Variants in SAP25 observed in about 807,000 individuals in gnomAD.
The protein encoded by SAP25 is Sin3A associated protein 25.
Under a neutral mutation model 31.5 loss-of-function variants are expected in SAP25, and 24 were observed. The observed-to-expected ratio is 0.76, with a 90% confidence interval of 0.55 to 1.07. The LOEUF (loss-of-function observed/expected upper bound fraction) is 1.07. SAP25 is among the 50% of genes least tolerant of loss of function. The probability of loss-of-function intolerance (pLI) is 0.00; values close to 1 mark genes in which losing one functional copy is unlikely to be tolerated. For missense variants in SAP25, 377 were observed against 418.8 expected, an observed-to-expected ratio of 0.90 and a Z score of 0.87; for synonymous variants, 180 against 186.0, an observed-to-expected ratio of 0.97 and a Z score of 0.26.
chr7:100,573,252 G>C, intron 2 of SAP25, 40 bp from the exon 3 acceptor site: 1 of 1,444,702 alleles, frequency 6.9e-7, no homozygotes, highest in Non-Finnish European at 9.2e-7. Context: ...CTCACAGTCA[G>C]TGAGAGGCTC....
In SAP25 at chr7:100,572,831, T is replaced by A. The variant is rs1398435744; in HGVS notation, c.511+29A>T. On this transcript the variant is annotated intron_variant, in intron 4 of 5. Coordinates refer to ENST00000622764, the MANE Select transcript of SAP25 (RefSeq NM_001348680.2). This position sits in a 1 kb window ranked among gnomAD's most constrained non-coding sequence, Gnocchi z 4.1. ...GGTTCCCAGAGGAGTTGGGGCAGCC[T>A]TGCGCCCCCGGGGGACCAAGGGAGG... 3.4e-6 allele frequency: 5 copies of A among 1,484,284 alleles called. No homozygotes were observed. The Admixed American group carries it at 9.9e-5, about 29-fold the overall frequency. 91.9% of individuals were successfully genotyped at this position (1,484,284 alleles called of 1,614,324 possible).
Position 100,572,259 on chromosome 7 carries a change from A to G in SAP25, c.*28T>C. The stretch of plus-strand genomic sequence containing the variant: ...AAACCAACACTGTTTTATTGTCAAC[A>G]CAACCAGCCCACTCTGCCCTGAGAA... On this transcript the variant is annotated 3_prime_UTR_variant, in exon 6 of 6. Transcript: ENST00000622764. This position sits in a 1 kb window ranked among gnomAD's most constrained non-coding sequence, Gnocchi z 4.1. 1 of 1,264,386 alleles carries G rather than the reference A, an allele frequency of 7.9e-7. No homozygotes were observed. The highest frequency in any genetic ancestry group is 3.3e-5 in the South Asian group (1 of 30,316). 78.3% of individuals were successfully genotyped at this position (1,264,386 alleles called of 1,614,324 possible).
chr7:100,573,642 G>T lies in SAP25; in HGVS notation c.101C>A (p.Ala34Asp), dbSNP rs572930057. Residue 34 changes from alanine (A) to aspartate (D), a missense_variant, in exon 1 of 6, where the codon GCC becomes GAC. Physicochemically the swap from Ala to Asp is moderately radical, Grantham distance 126. Coordinates refer to ENST00000622764, the MANE Select transcript of SAP25 (RefSeq NM_001348680.2). ...CAGCTCCCTGGGGGCGTCCGCTCCGGCGCTCCAGGGCTCGCCCTGGTCCTT... is the reference window on the plus strand; with the variant it reads ...CAGCTCCCTGGGGGCGTCCGCTCCGTCGCTCCAGGGCTCGCCCTGGTCCTT... ...AGKDQGEPWS[A>D]GADAPRELGT... 8 of 1,231,260 alleles carry T rather than the reference G, an allele frequency of 6.5e-6. No individual in the cohort carries two copies. The Admixed American group carries it at 3.4e-4, about 52-fold the overall frequency. 76.3% of individuals were successfully genotyped at this position (1,231,260 alleles called of 1,614,324 possible).
In SAP25 at chr7:100,572,800, G is replaced by A; in HGVS notation, c.512-49C>T. On this transcript the variant is annotated intron_variant, in intron 4 of 5. Coordinates refer to ENST00000622764, the MANE Select transcript of SAP25 (RefSeq NM_001348680.2). The surrounding 1 kb of genome is among the most constrained non-coding windows in gnomAD (Gnocchi z 4.1). ...GGCGGGCTGCGGGCTCCCACCCCTG[G>A]GCACTGGTTCCCAGAGGAGTTGGGG... The A allele has an allele frequency of 6.6e-7, 1 of 1,509,162 alleles. No individual in the cohort carries two copies. The highest frequency in any genetic ancestry group is 8.8e-7 in the Non-Finnish European group (1 of 1,135,378). 93.5% of individuals were successfully genotyped at this position (1,509,162 alleles called of 1,614,324 possible).
At position 100,572,947 on chromosome 7, in the gene SAP25, G is replaced by A. The variant is rs1441133074; in HGVS notation, c.424C>T (p.Leu142=). 29 of 1,508,752 alleles carry A rather than the reference G, an allele frequency of 1.9e-5. No homozygotes were observed. The highest frequency in any genetic ancestry group is 2.5e-5 in the Non-Finnish European group (28 of 1,132,112). The allele number at this position is 1,508,752 out of a possible 1,614,324, so 93.5% of individuals were successfully genotyped here. A position where few individuals can be genotyped will look rare whatever the true frequency, so the allele number is the denominator to read the frequency against. ...CCCCTGCCCGAGGCTGCTTCATACA[G>A]CGGCCAGAATGAGGGGTGACACAGC... ...RTLCHPSFWP[L]YEAASGRGLR... The change falls in exon 4 of 6, where the codon CTG becomes TTG. Residue 142 remains leucine, a synonymous_variant. Coordinates refer to ENST00000622764, the MANE Select transcript of SAP25 (RefSeq NM_001348680.2). This position sits in a 1 kb window ranked among gnomAD's most constrained non-coding sequence, Gnocchi z 4.1.
intron 3 of SAP25, 28 bp downstream of exon 3, chr7:100,573,078 C>T (rs1313988319): frequency 6.5e-7 from 1 of 1,527,524 alleles, no homozygotes; most frequent in African/African-American, 1.4e-5. Context: ...GCACCCCAGC[C>T]AGTCCCACAG....
chr7:100,572,596 T>G lies in SAP25; in HGVS notation c.610-25A>C. On this transcript the variant is annotated intron_variant, in intron 5 of 5. Coordinates refer to ENST00000622764, the MANE Select transcript of SAP25 (RefSeq NM_001348680.2). This position sits in a 1 kb window ranked among gnomAD's most constrained non-coding sequence, Gnocchi z 4.1. The stretch of plus-strand genomic sequence containing the variant: ...TCTGAGGAGAGAGAATGGAATGTGT[T>G]TCCTGCCAGGCAAGCCTGGAGGCTG... The G allele has an allele frequency of 6.7e-7, 1 of 1,488,620 alleles. No homozygotes were observed. The highest frequency in any genetic ancestry group is 8.9e-7 in the Non-Finnish European group (1 of 1,126,306). The allele number at this position is 1,488,620 out of a possible 1,614,324, so 92.2% of individuals were successfully genotyped here. A position where few individuals can be genotyped will look rare whatever the true frequency, so the allele number is the denominator to read the frequency against.
At position 100,572,955 on chromosome 7, in the gene SAP25, A is replaced by G; in HGVS notation, c.416T>C (p.Phe139Ser). ...FSGRTLCHPS[F>S]WPLYEAASGR... ...CGAGGCTGCTTCATACAGCGGCCAG[A>G]ATGAGGGGTGACACAGCGTCCGGCC... Residue 139 changes from phenylalanine to serine, a missense_variant, in exon 4 of 6, where the codon TTC becomes TCC. Coordinates refer to ENST00000622764, the MANE Select transcript of SAP25 (RefSeq NM_001348680.2). The surrounding 1 kb of genome is among the most constrained non-coding windows in gnomAD (Gnocchi z 4.1). 6.6e-7 allele frequency: 1 copy of G among 1,509,498 alleles called. No individual in the cohort carries two copies. Among genetic ancestry groups the G allele is most frequent in the Non-Finnish European group, 8.8e-7 (1 of 1,132,442 alleles). 93.5% of individuals were successfully genotyped at this position (1,509,498 alleles called of 1,614,324 possible).
chr7:100,573,705 G>C lies in SAP25; in HGVS notation c.38C>G (p.Pro13Arg), dbSNP rs909594405. Reference protein sequence around the residue: ...PWSPPRWGAGPEEAPEGPGLP... With the variant: ...PWSPPRWGAGREEAPEGPGLP... ...GCCTGGTCCCTCGGGCGCCTCCTCC[G>C]GGCCCGCGCCCCACCGCGGCGGCGA... The change falls in exon 1 of 6, where the codon CCG becomes CGG. Residue 13 changes from proline (P) to arginine (R), a missense_variant. Transcript: ENST00000622764. 282 of 1,228,222 alleles carry C rather than the reference G, an allele frequency of 2.3e-4. No homozygotes were observed. In the African/African-American group the frequency reaches 4.0e-3, roughly 17 times the overall value. 76.1% of individuals were successfully genotyped at this position (1,228,222 alleles called of 1,614,324 possible). A position where few individuals can be genotyped will look rare whatever the true frequency, so the allele number is the denominator to read the frequency against.
At position 100,572,378 on chromosome 7, in the gene SAP25, G is replaced by A. The variant is rs1801157689; in HGVS notation, c.803C>T (p.Thr268Ile). The A allele has an allele frequency of 1.3e-5, 18 of 1,403,022 alleles. No individual in the cohort carries two copies. The highest frequency in any genetic ancestry group is 1.7e-5 in the Non-Finnish European group (18 of 1,081,880). 86.9% of individuals were successfully genotyped at this position (1,403,022 alleles called of 1,614,324 possible). A position where few individuals can be genotyped will look rare whatever the true frequency, so the allele number is the denominator to read the frequency against. ...SSSAVGPPDH[T>I]SDPPSPCGSP... ...ACCACAGGGGCTGGGTGGGTCAGAG[G>A]TATGGTCTGGGGGGCCAACCGCGGA... Residue 268 changes from threonine to isoleucine, a missense_variant, in exon 6 of 6, where the codon ACC becomes ATC. Coordinates refer to ENST00000622764, the MANE Select transcript of SAP25 (RefSeq NM_001348680.2). This position sits in a 1 kb window ranked among gnomAD's most constrained non-coding sequence, Gnocchi z 4.1.
chr7:100,573,066 G>A (rs1277430155), intron 3 of SAP25, 40 bp downstream of exon 3: 48 of 1,518,824 alleles, frequency 3.2e-5, no homozygotes, highest in Non-Finnish European at 4.0e-5. Context: ...ACAGCTCCCT[G>A]AGCACCCCAG....
intron 2 of SAP25, 23 bp from the exon 3 acceptor site, chr7:100,573,235 T>C: frequency 6.8e-7 from 1 of 1,462,570 alleles, no homozygotes; most frequent in Non-Finnish European, 9.1e-7. Flanking sequence ...TTGGGGATTA[T>C]AACAGGCTCA....
intron 3 of SAP25, 42 bp downstream of exon 3, chr7:100,573,064 C>T (rs530868920): frequency 1.3e-6 from 2 of 1,518,282 alleles, no homozygotes; most frequent in African/African-American, 1.4e-5. Flanking sequence ...GCACAGCTCC[C>T]TGAGCACCCC....
chr7:100,572,399 G>A lies in SAP25; in HGVS notation c.782C>T (p.Ala261Val), dbSNP rs115792910. 3,750 of 1,406,440 alleles carry A rather than the reference G, an allele frequency of 2.7e-3. 91 individuals are homozygous for A. The African/African-American group carries it at 0.049, about 18-fold the overall frequency. The allele number at this position is 1,406,440 out of a possible 1,614,324, so 87.1% of individuals were successfully genotyped here. ...AGAGGTATGGTCTGGGGGGCCAACC[G>A]CGGAGGAGCTGGGCCTAGGCTCCCC... Reference protein sequence around the residue: ...SQGEPRPSSSAVGPPDHTSDP... With the variant: ...SQGEPRPSSSVVGPPDHTSDP... Residue 261 changes from alanine (A) to valine (V), a missense_variant, in exon 6 of 6, where the codon GCG (alanine) becomes GTG (valine). By Grantham distance (64) the Ala-to-Val change is moderately conservative (BLOSUM62 0). Coordinates refer to ENST00000622764, the MANE Select transcript of SAP25 (RefSeq NM_001348680.2). This position sits in a 1 kb window ranked among gnomAD's most constrained non-coding sequence, Gnocchi z 4.1.
At chr7:100,573,069 C>A in intron 3 of SAP25, 37 bp downstream of exon 3, 1 of 1,519,442 alleles carries the variant, frequency 6.6e-7, no homozygotes, top group Non-Finnish European at 8.8e-7. Context: ...GCTCCCTGAG[C>A]ACCCCAGCCA....
rs573938422 is a variant in SAP25, at chr7:100,573,019, G to A, written c.358-6C>T. On this transcript the variant is annotated splice_polypyrimidine_tract_variant and splice_region_variant and intron_variant, in intron 3 of 5. Coordinates refer to ENST00000622764, the MANE Select transcript of SAP25 (RefSeq NM_001348680.2). ...CCTGAGCTACAGTTGGCCCCCTAGG[G>A]TGAGGAGGACAGAGCACTGGAGCCT... is the stretch of plus-strand genomic sequence containing the variant. 24 of 1,488,916 alleles carry A rather than the reference G, an allele frequency of 1.6e-5. No homozygotes were observed. In the African/African-American group the frequency reaches 2.2e-4, roughly 14 times the overall value. The allele number at this position is 1,488,916 out of a possible 1,614,324, so 92.2% of individuals were successfully genotyped here.
At position 100,573,578 on chromosome 7, in the gene SAP25, CTCCG is replaced by C; in HGVS notation, c.146+15_146+18del. On this transcript the variant is annotated intron_variant, in intron 1 of 5. Coordinates refer to ENST00000622764, the MANE Select transcript of SAP25 (RefSeq NM_001348680.2). ...GCCCCCAGTCGCTGTCCCCCCACGG[CTCCG>C]TCCGAGCCCCTCACCTGTCCCATGG... 2 of 1,234,646 alleles carry C rather than the reference CTCCG, an allele frequency of 1.6e-6. No individual in the cohort carries two copies. Among genetic ancestry groups the C allele is most frequent in the Non-Finnish European group, 2.0e-6 (2 of 989,602 alleles). 76.5% of individuals were successfully genotyped at this position (1,234,646 alleles called of 1,614,324 possible).
rs1292082487 is a variant in SAP25, at chr7:100,573,326, G to A, written c.221C>T (p.Pro74Leu). The A allele has an allele frequency of 2.9e-6, 4 of 1,386,020 alleles. No homozygotes were observed. The highest frequency in any genetic ancestry group is 2.6e-5 in the East Asian group (1 of 37,892). The allele number at this position is 1,386,020 out of a possible 1,614,324, so 85.9% of individuals were successfully genotyped here. ...GGCTCCGGGGGGCTGCTCAGTGGCCGGGCCTGGCAGGTGGTGGGGCAGCAG... is the reference window on the plus strand; with the variant it reads ...GGCTCCGGGGGGCTGCTCAGTGGCCAGGCCTGGCAGGTGGTGGGGCAGCAG... ...QLLLPHHLPG[P>L]ATEQPPGAPD... is the part of the protein sequence containing the mutation. Residue 74 changes from proline (P) to leucine (L), a missense_variant, in exon 2 of 6, where the codon CCG becomes CTG. By Grantham distance (98) the Pro-to-Leu change is moderately conservative. Coordinates refer to ENST00000622764, the MANE Select transcript of SAP25 (RefSeq NM_001348680.2).
At position 100,573,735 on chromosome 7, in the gene SAP25, G is replaced by A; in HGVS notation, c.8C>T (p.Pro3Leu). 8.2e-7 allele frequency: 1 copy of A among 1,220,492 alleles called. No individual in the cohort carries two copies. The highest frequency in any genetic ancestry group is 1.0e-6 in the Non-Finnish European group (1 of 980,768). The allele number at this position is 1,220,492 out of a possible 1,614,324, so 75.6% of individuals were successfully genotyped here. A position where few individuals can be genotyped will look rare whatever the true frequency, so the allele number is the denominator to read the frequency against. The change falls in exon 1 of 6, where the codon CCC (proline) becomes CTC (leucine). Residue 3 changes from proline (P) to leucine (L), a missense_variant. Transcript: ENST00000622764. Reference protein sequence around the residue: MLPWSPPRWGAGP... With the variant: MLLWSPPRWGAGP... ...CGCGCCCCACCGCGGCGGCGACCAGGGCAACATTCCGCGTTCCCGAGCGCA... is the reference window on the plus strand; with the variant it reads ...CGCGCCCCACCGCGGCGGCGACCAGAGCAACATTCCGCGTTCCCGAGCGCA...
Sources: allele counts gnomAD v4.1 joint callset, GRCh38; gene constraint gnomAD v4.1.1; non-coding constraint Gnocchi (gnomAD v3.1); transcripts MANE v1.5; gene names NCBI Gene and HGNC (gene_info 2026-07-23, HGNC 2026-07-21).